Variants in RNF213 observed in about 807,000 individuals in gnomAD.
RNF213 encodes ring finger protein 213.
In RNF213, 341 loss-of-function variants were observed where a neutral mutation model predicts 514.4. The ratio of observed to expected loss-of-function variants is 0.66; its 90% CI spans 0.61 to 0.73. The LOEUF is 0.73. Ranked by LOEUF, RNF213 falls within the 30% of genes least tolerant of loss-of-function variation. RNF213 has a pLI of 0.00. For missense variants in RNF213, 5,767 were observed against 6,615.6 expected, an observed-to-expected ratio of 0.87 and a Z score of 4.45; for synonymous variants, 2,655 against 2,658.2, an observed-to-expected ratio of 1.00 and a Z score of 0.04.
chr17:80,292,097 T>G, intron 8 of RNF213: 1 of 521,442 alleles, frequency 1.9e-6, no homozygotes, highest in Non-Finnish European at 3.5e-6. Flanking sequence ...ACTTTTTGTT[T>G]GTTTGTTTTC....
At chr17:80,280,199 G>A (rs1463470370) in intron 3 of RNF213, among the ~76,000 whole-genome samples, 1 of 152,220 alleles carries the variant, frequency 6.6e-6, no homozygotes, top group Non-Finnish European at 1.5e-5. Context: ...CAGTGTGGGT[G>A]GAGAGCTCAT....
intron 52 of RNF213, 140 bp from the exon 53 acceptor site, chr17:80,376,742 T>G: frequency 9.1e-7 from 1 of 1,101,568 alleles, no homozygotes; most frequent in South Asian, 1.3e-5. Context: ...GAAGCTGTTC[T>G]GTTTTCTTCA....
chr17:80,278,027 G>A (rs1432493684), intron 3 of RNF213, among the ~76,000 whole-genome samples: 1 of 152,244 alleles, frequency 6.6e-6, no homozygotes, highest in South Asian at 2.1e-4. Context: ...GTGGCCGCTG[G>A]TTGCTGACTA....
At chr17:80,287,654 A>G (rs1251802734) in intron 3 of RNF213, among the ~76,000 whole-genome samples, 161 bp from the exon 4 acceptor site, 1 of 122,864 alleles carries the variant, frequency 8.1e-6, no homozygotes, top group South Asian at 2.4e-4. Context: ...TTTGTTTCTT[A>G]ATTTCATTCT....
In RNF213 at chr17:80,343,129, T is replaced by C. The variant is rs779779924; in HGVS notation, c.5990-3T>C. On this transcript the variant is annotated splice_region_variant and splice_polypyrimidine_tract_variant and intron_variant, in intron 26 of 67. Coordinates refer to ENST00000582970, the MANE Select transcript of RNF213 (RefSeq NM_001256071.3). The surrounding 1 kb of genome is among the most constrained non-coding windows in gnomAD (Gnocchi z 4.3). The stretch of plus-strand genomic sequence containing the variant: ...AGCCCTAATTTCTGTATTAATGTTA[T>C]AGGAAAGTCTCTGTACGTGAAGAGG... The C allele has an allele frequency of 3.7e-6, 6 of 1,612,492 alleles. No individual in the cohort carries two copies. Among genetic ancestry groups the C allele is most frequent in the Admixed American group, 1.7e-5 (1 of 60,002 alleles).
chr17:80,272,948 G>A (rs555377481), intron 2 of RNF213, among the ~76,000 whole-genome samples: 2 of 152,138 alleles, frequency 1.3e-5, no homozygotes, highest in African/African-American at 4.8e-5. Flanking sequence ...TGACATCCTA[G>A]TACAGAGTCA....
chr17:80,281,649 C>G (rs1054237786), intron 3 of RNF213, among the ~76,000 whole-genome samples: 10 of 150,680 alleles, frequency 6.6e-5, no homozygotes, highest in African/African-American at 2.2e-4. Flanking sequence ...ACTCCCCACT[C>G]ACCCCACTCA....
rs918392062 is a variant in RNF213 at position 80,332,450 on chromosome 17, T to C, written c.3962T>C (p.Leu1321Pro). 3.9e-6 allele frequency: 6 copies of C among 1,536,978 alleles called. No individual in the cohort carries two copies. The highest frequency in any genetic ancestry group is 5.2e-6 in the Non-Finnish European group (6 of 1,146,868). The change falls in exon 21 of 68, where the codon CTT (leucine) becomes CCT (proline). Residue 1321 changes from leucine (L) to proline (P), a missense_variant. Physicochemically the swap from Leu to Pro is moderately conservative, Grantham distance 98. This residue lies in a region of RNF213 where 516 missense variants were observed against 566.5 expected (regional missense o/e 0.91). Coordinates refer to ENST00000582970, the MANE Select transcript of RNF213 (RefSeq NM_001256071.3). ...AAATACACGGACCTGGATTCAGAACTTAAGATCATGTGCACCGTGGACCAC... is the reference window on the plus strand; with the variant it reads ...AAATACACGGACCTGGATTCAGAACCTAAGATCATGTGCACCGTGGACCAC... ...VNKYTDLDSE[L>P]KIMCTVDHQD... is the part of the protein sequence containing the mutation.
At chr17:80,310,241 G>A (rs114346289) in intron 14 of RNF213, among the ~76,000 whole-genome samples, 3,944 of 152,114 alleles carry the variant, frequency 0.026, 82 homozygotes, top group South Asian at 0.078. Context: ...AAGGTTTAAT[G>A]TTTAGACTGA....
Position 80,305,581 on chromosome 17 carries a change from G to A in RNF213, c.2211-671G>A. ...GCAGTGAATTCTTATTCCGTATTCT[G>A]AATTCTATATTAAGTTAATTCTCCT... On this transcript the variant is annotated intron_variant, in intron 11 of 67. Transcript: ENST00000582970. 1.3e-5 allele frequency among the ~76,000 whole-genome samples: 2 copies of A among 151,408 alleles called. 1 individual carries two copies. The highest frequency in any genetic ancestry group is 1.3e-4 in the Admixed American group (2 of 15,172).
At chr17:80,337,779 C>T in intron 24 of RNF213, 53 bp downstream of exon 24, 1 of 1,536,740 alleles carries the variant, frequency 6.5e-7, no homozygotes, top group Non-Finnish European at 8.7e-7. Flanking sequence ...AGGCTGCTGC[C>T]AGTCCAGGTC....
intron 67 of RNF213, 36 bp downstream of exon 67, chr17:80,390,232 C>T (rs1264923835): frequency 1.9e-6 from 3 of 1,596,354 alleles, no homozygotes; most frequent in Admixed American, 1.7e-5. Flanking sequence ...GGGGCAGACA[C>T]AATGTTGTGC....
In RNF213 at chr17:80,393,736, C is replaced by G; in HGVS notation, c.*238C>G. 2.0e-6 allele frequency: 1 copy of G among 504,992 alleles called. No individual in the cohort carries two copies. The highest frequency in any genetic ancestry group is 3.6e-6 in the Non-Finnish European group (1 of 277,058). 31.3% of individuals were successfully genotyped at this position (504,992 alleles called of 1,614,324 possible). A position where few individuals can be genotyped will look rare whatever the true frequency, so the allele number is the denominator to read the frequency against. On this transcript the variant is annotated 3_prime_UTR_variant, in exon 68 of 68. Coordinates refer to ENST00000582970, the MANE Select transcript of RNF213 (RefSeq NM_001256071.3). ...TTCTCATCATTTTATGAGTACTGTT[C>G]ATTGAGAGATGACAATGAAGATTAG... is the stretch of plus-strand genomic sequence containing the variant.
rs768701085 is a variant in RNF213, at chr17:80,363,326, C to T, written c.11568+12C>T. The T allele has an allele frequency of 1.2e-6, 2 of 1,611,836 alleles. No individual in the cohort carries two copies. The highest frequency in any genetic ancestry group is 2.2e-5 in the South Asian group (2 of 91,048). ...CTGGATGTGAGATGGTATGGCCCTC[C>T]TCCGCCTGCCCTGAGCAAGCCTTGT... On this transcript the variant is annotated intron_variant, in intron 40 of 67. Coordinates refer to ENST00000582970, the MANE Select transcript of RNF213 (RefSeq NM_001256071.3).
chr17:80,361,623 C>A lies in RNF213; in HGVS notation c.11201-111C>A, dbSNP rs940717414. 15 of 1,145,704 alleles carry A rather than the reference C, an allele frequency of 1.3e-5. No individual in the cohort carries two copies. In the Admixed American group the frequency reaches 2.2e-4, roughly 17 times the overall value. 71.0% of individuals were successfully genotyped at this position (1,145,704 alleles called of 1,614,324 possible). A position where few individuals can be genotyped will look rare whatever the true frequency, so the allele number is the denominator to read the frequency against. ...CAGTTGGTACCCCTTTGTCTACGAG[C>A]TCCCATTCAACAAGGCGTCCCCATT... On this transcript the variant is annotated intron_variant, in intron 38 of 67. Transcript: ENST00000582970.
intron 56 of RNF213, 178 bp downstream of exon 56, chr17:80,381,165 G>A (rs922019709): frequency 4.2e-5 from 30 of 712,756 alleles, no homozygotes; most frequent in Admixed American, 1.5e-4. Flanking sequence ...ATGATGGTAT[G>A]GGGGGAACTA....
chr17:80,308,890 C>T, intron 13 of RNF213, 128 bp from the exon 14 acceptor site: 1 of 1,137,416 alleles, frequency 8.8e-7, no homozygotes, highest in South Asian at 1.3e-5. Context: ...CAGACGTTAA[C>T]CTAGATAAGG....
intron 22 of RNF213, among the ~76,000 whole-genome samples, chr17:80,335,072 C>A (rs2077948668): frequency 6.6e-6 from 1 of 151,522 alleles, no homozygotes; most frequent in African/African-American, 2.4e-5. Context: ...CAGGCGCCCG[C>A]CACCACACCC....
At chr17:80,291,532 C>A in intron 7 of RNF213, 96 bp from the exon 8 acceptor site, 1 of 1,260,584 alleles carries the variant, frequency 7.9e-7, no homozygotes, top group Non-Finnish European at 1.2e-6. Context: ...CTTGCCACAT[C>A]AACTTATAGC....
Sources: allele counts gnomAD v4.1 joint callset (sites outside exome capture counted in the v4.1 genomes callset), GRCh38; gene constraint gnomAD v4.1.1; regional missense constraint gnomAD v4.1.1; non-coding constraint Gnocchi (gnomAD v3.1); transcripts MANE v1.5; gene names NCBI Gene and HGNC (gene_info 2026-07-23, HGNC 2026-07-21).